The following CD36 variants were observed in gnomAD, a reference collection of about 807,000 sequenced individuals.
CD36 encodes the protein CD36 molecule (CD36 blood group).
A neutral mutation model predicts 55.2 loss-of-function variants in CD36; 119 were observed. The ratio of observed to expected loss-of-function variants is 2.15; its 90% confidence interval spans 1.86 to 2.51. The LOEUF is 2.51. Ranked by LOEUF, CD36 falls within the 30% of genes most tolerant of loss-of-function variation. The pLI, the probability that CD36 is intolerant of heterozygous loss-of-function variation, is 0.00. For missense variants in CD36, 819 were observed against 555.5 expected (o/e 1.47, Z -4.77); for synonymous variants, 186 against 193.6 (o/e 0.96, Z 0.33).
chr7:80,612,191 G>A (rs898641363), intron 1 of CD36, among the ~76,000 whole-genome samples: 6 of 152,160 alleles, frequency 3.9e-5, no homozygotes, highest in Non-Finnish European at 8.8e-5. Context: ...TTGTTGAAAT[G>A]AGATTCTTTT....
At chr7:80,651,745 G>A (rs1439521385) in intron 3 of CD36, among the ~76,000 whole-genome samples, 3 of 151,924 alleles carry the variant, frequency 2.0e-5, no homozygotes, top group East Asian at 3.9e-4. Context: ...CCATCTCTAC[G>A]AATAATACAA....
intron 3 of CD36, among the ~76,000 whole-genome samples, chr7:80,648,327 A>G (rs1795328047): frequency 6.6e-6 from 1 of 152,144 alleles, no homozygotes; most frequent in Non-Finnish European, 1.5e-5. Flanking sequence ...CATCATTTGG[A>G]AAAGTTTTCC....
chr7:80,667,036 A>C (rs986142338), intron 8 of CD36, among the ~76,000 whole-genome samples: 1 of 152,222 alleles, frequency 6.6e-6, no homozygotes, highest in Non-Finnish European at 1.5e-5. Flanking sequence ...ATGAGCATTC[A>C]TAAACTTAGA....
intron 1 of CD36, among the ~76,000 whole-genome samples, chr7:80,606,825 G>A (rs1308727880): frequency 6.6e-6 from 1 of 152,110 alleles, no homozygotes; most frequent in Non-Finnish European, 1.5e-5. Context: ...CTCTGAAATT[G>A]GGGGATGGTT....
chr7:80,651,394 G>A (rs3211840), intron 3 of CD36, among the ~76,000 whole-genome samples: 1 of 151,910 alleles, frequency 6.6e-6, no homozygotes, highest in South Asian at 2.1e-4. Flanking sequence ...TAAAATAAAA[G>A]TTGGAAGAAA....
upstream of CD36, among the ~76,000 whole-genome samples, chr7:80,636,159 TA>T (rs1388260367): frequency 1.3e-5 from 2 of 151,874 alleles, no homozygotes; most frequent in African/African-American, 4.8e-5. Context: ...CTGTGGAAAA[TA>T]AAGCAGAGAA....
At chr7:80,648,196 C>A (rs1412078191) in intron 3 of CD36, among the ~76,000 whole-genome samples, 1 of 152,058 alleles carries the variant, frequency 6.6e-6, no homozygotes, top group Non-Finnish European at 1.5e-5. Flanking sequence ...TGGGGCTTAT[C>A]TAATAGTGGG....
At chr7:80,611,050 GGTT>G (rs766715805) in intron 1 of CD36, among the ~76,000 whole-genome samples, 14 of 151,878 alleles carry the variant, frequency 9.2e-5, no homozygotes, top group Non-Finnish European at 1.3e-4. Flanking sequence ...TAATTTTTGT[GGTT>G]GTTTCTTTCT....
chr7:80,625,478 A>G (rs1456623334), intron 1 of CD36, among the ~76,000 whole-genome samples: 1 of 152,176 alleles, frequency 6.6e-6, no homozygotes, highest in Non-Finnish European at 1.5e-5. Context: ...TAAGGGACTG[A>G]AGAAGGTGTT....
chr7:80,674,207 A>T, intron 14 of CD36, 60 bp downstream of exon 14: 1 of 1,234,996 alleles, frequency 8.1e-7, no homozygotes, highest in Non-Finnish European at 1.2e-6. Context: ...ACTTGTTTTC[A>T]CTTTATCAAA....
intron 9 of CD36, chr7:80,670,294 C>T: frequency 2.3e-6 from 1 of 440,452 alleles, no homozygotes; most frequent in South Asian, 2.2e-5. Context: ...TTTCTAAAGA[C>T]ATACAGAGAA....
intron 1 of CD36, among the ~76,000 whole-genome samples, chr7:80,604,131 G>A (rs1328732240): frequency 1.3e-5 from 2 of 151,988 alleles, no homozygotes; most frequent in East Asian, 1.9e-4. Flanking sequence ...GGAGGTACTA[G>A]AGGAGGGGAA....
At chr7:80,674,232 T>G (rs1584477395) in intron 14 of CD36, 85 bp downstream of exon 14, 11 of 921,856 alleles carry the variant, frequency 1.2e-5, no homozygotes, top group African/African-American at 4.9e-5. Flanking sequence ...AGTTACATAT[T>G]AGGCCATATA....
chr7:80,633,211 A>G (rs891422455), intron 1 of CD36: 9 of 152,054 alleles, frequency 5.9e-5, no homozygotes, highest in Non-Finnish European at 1.2e-4. Context: ...TTGTTTTTGC[A>G]AGCTGTTCAA....
At chr7:80,611,612 G>A (rs569545890) in intron 1 of CD36, among the ~76,000 whole-genome samples, 26 of 152,308 alleles carry the variant, frequency 1.7e-4, no homozygotes, top group Non-Finnish European at 3.4e-4. Flanking sequence ...GTACCATAGG[G>A]AACTGACAGT....
At chr7:80,664,309 G>T (rs1473779979) in intron 6 of CD36, 97 bp from the exon 7 acceptor site, 1 of 751,340 alleles carries the variant, frequency 1.3e-6, no homozygotes, top group African/African-American at 1.7e-5. Flanking sequence ...AGTCATTTGA[G>T]TAACCAGTGA....
At chr7:80,667,958 A>G (rs59901466) in intron 8 of CD36, among the ~76,000 whole-genome samples, 176 of 152,080 alleles carry the variant, frequency 1.2e-3, no homozygotes, top group African/African-American at 4.0e-3. Flanking sequence ...CATGTTGGCC[A>G]GGATGGTCTT....
chr7:80,626,899 G>A (rs1334514), intron 1 of CD36, among the ~76,000 whole-genome samples: 147,687 of 152,132 alleles, frequency 0.97, 71,706 homozygotes, highest in East Asian at 1. Context: ...GTTTTACACT[G>A]TATATAAACT....
intron 1 of CD36, among the ~76,000 whole-genome samples, chr7:80,617,641 T>G (rs1793238873): frequency 6.6e-6 from 1 of 151,420 alleles, no homozygotes; most frequent in South Asian, 2.1e-4. Context: ...GCTAGAGAAT[T>G]GCTTAAACCC....
Sources: gnomAD v4.1 joint callset for allele counts (sites outside exome capture counted in the v4.1 genomes callset) on GRCh38, gnomAD v4.1.1 for gene constraint, MANE v1.5 for transcripts, NCBI Gene and HGNC (gene_info 2026-07-23, HGNC 2026-07-21) for gene names.